The following LRCH1 variants were observed in gnomAD, a reference collection of about 807,000 sequenced individuals.
LRCH1 encodes leucine rich repeats and calponin homology domain containing 1, also known as leucine-rich repeat and calponin homology domain-containing protein 1.
A neutral mutation model predicts 94.9 loss-of-function variants in LRCH1; 23 were observed. That is an observed-to-expected ratio of 0.24 (90% CI 0.17 to 0.34). The LOEUF is 0.34. Among genes scored for constraint, LRCH1 ranks in the 10% least tolerant of loss-of-function variants. LRCH1 has a pLI of 1.00. For synonymous variants in LRCH1, 364 were observed against 354.9 expected (o/e 1.03, Z -0.29); for missense variants, 790 against 945.9 (o/e 0.84, Z 2.16).
chr13:46,741,567 T>C (rs1469076924), intron 19 of LRCH1, 75 bp from the exon 20 acceptor site: 1 of 1,590,126 alleles, frequency 6.3e-7, no homozygotes, highest in Non-Finnish European at 8.6e-7. Context: ...TGTGTGCTTC[T>C]TTCTAGCTGT....
chr13:46,722,005 GGACTCA>G (rs1872603619), intron 16 of LRCH1, among the ~76,000 whole-genome samples: 1 of 152,028 alleles, frequency 6.6e-6, no homozygotes, highest in Admixed American at 6.5e-5. Context: ...TACACCGAGC[GGACTCA>G]AGTCTTTGTA....
At chr13:46,701,282 C>A in intron 11 of LRCH1, 75 bp downstream of exon 11, 1 of 1,053,808 alleles carries the variant, frequency 9.5e-7, no homozygotes, top group Non-Finnish European at 1.4e-6. Context: ...TGTCTAAATT[C>A]CTAAAATACC....
At chr13:46,614,037 T>A (rs2050777041) in intron 1 of LRCH1, among the ~76,000 whole-genome samples, 1 of 152,140 alleles carries the variant, frequency 6.6e-6, no homozygotes, top group Non-Finnish European at 1.5e-5. Context: ...CAACATGATA[T>A]TTGATATACA....
chr13:46,680,267 A>G (rs2051733633), intron 3 of LRCH1: 1 of 152,094 alleles, frequency 6.6e-6, no homozygotes, highest in African/African-American at 2.4e-5. Flanking sequence ...TGGATTTTAG[A>G]AGTTTGATCC....
intron 1 of LRCH1, among the ~76,000 whole-genome samples, chr13:46,626,993 G>A (rs2050958515): frequency 6.6e-6 from 1 of 152,134 alleles, no homozygotes; most frequent in Admixed American, 6.5e-5. Flanking sequence ...TTTGAGGAAT[G>A]GTTGGGTGTT....
intron 19 of LRCH1, among the ~76,000 whole-genome samples, chr13:46,735,839 C>T (rs1164431837): frequency 2.1e-5 from 3 of 139,564 alleles, no homozygotes; most frequent in Admixed American, 7.9e-5. Flanking sequence ...GTCACCTGGC[C>T]AGACTGGAGT....
chr13:46,669,210 T>G (rs2051564740), intron 3 of LRCH1, 54 bp downstream of exon 3: 1 of 1,593,900 alleles, frequency 6.3e-7, no homozygotes, highest in Non-Finnish European at 8.5e-7. Flanking sequence ...GATCATAGCC[T>G]CTCAAGGTAT....
At chr13:46,582,163 A>AC (rs974780751) in intron 1 of LRCH1, among the ~76,000 whole-genome samples, 1 of 150,972 alleles carries the variant, frequency 6.6e-6, no homozygotes, top group East Asian at 1.9e-4. Flanking sequence ...AAAAAAAAAA[A>AC]AAAGAAAGAA....
intron 17 of LRCH1, among the ~76,000 whole-genome samples, chr13:46,726,897 CAG>C (rs1245649846): frequency 1.0e-5 from 1 of 97,838 alleles, no homozygotes; most frequent in Non-Finnish European, 2.3e-5. Flanking sequence ...GCAACTAAAA[CAG>C]AGATTTAAAT....
At chr13:46,620,834 ATAAT>A (rs2050871136) in intron 1 of LRCH1, among the ~76,000 whole-genome samples, 1 of 152,252 alleles carries the variant, frequency 6.6e-6, no homozygotes, top group African/African-American at 2.4e-5. Flanking sequence ...TTGACTAAAG[ATAAT>A]TAACTCCTTT....
In LRCH1 at chr13:46,712,472, C is replaced by T. The variant is rs370061869; in HGVS notation, c.1582-53C>T. On this transcript the variant is annotated intron_variant, in intron 14 of 19. Coordinates refer to ENST00000389797, the MANE Select transcript of LRCH1 (RefSeq NM_001164211.2). The stretch of plus-strand genomic sequence containing the variant: ...TGAACATAGAAAACCATACATAGTT[C>T]TTCTGTTTTCCTTTTATTTTTTTCC... 3.8e-6 allele frequency: 5 copies of T among 1,332,940 alleles called. No homozygotes were observed. The African/African-American group carries it at 7.3e-5, about 19-fold the overall frequency. The allele number at this position is 1,332,940 out of a possible 1,614,324, so 82.6% of individuals were successfully genotyped here.
At chr13:46,606,278 T>G (rs1425234616) in intron 1 of LRCH1, among the ~76,000 whole-genome samples, 1 of 152,164 alleles carries the variant, frequency 6.6e-6, no homozygotes, top group Non-Finnish European at 1.5e-5. Flanking sequence ...AACACTGTTT[T>G]GTGAACATGG....
chr13:46,567,426 G>A (rs34271323), intron 1 of LRCH1, among the ~76,000 whole-genome samples: 68,917 of 151,472 alleles, frequency 0.45, 18,672 homozygotes, highest in Admixed American at 0.58. Context: ...ACGGCAAATA[G>A]ATCTCTCTTT....
chr13:46,748,536 G>T (rs964215304), downstream of LRCH1, among the ~76,000 whole-genome samples: 5 of 152,140 alleles, frequency 3.3e-5, no homozygotes, highest in African/African-American at 1.2e-4. Context: ...TCACAAGCCC[G>T]TGGCAGATGG....
chr13:46,720,150 T>G (rs1872532464), intron 16 of LRCH1, among the ~76,000 whole-genome samples: 1 of 150,368 alleles, frequency 6.7e-6, no homozygotes, highest in East Asian at 2.0e-4. Flanking sequence ...ACTTTGGGAG[T>G]CTGAGGCAGG....
At chr13:46,714,814 T>G (rs1420723797) in intron 15 of LRCH1, among the ~76,000 whole-genome samples, 1 of 152,218 alleles carries the variant, frequency 6.6e-6, no homozygotes, top group East Asian at 1.9e-4. Context: ...AGTGACCAAC[T>G]CAGAAGTTCT....
chr13:46,705,475 G>A (rs1427690814), intron 13 of LRCH1, 171 bp downstream of exon 13: 2 of 736,302 alleles, frequency 2.7e-6, no homozygotes, highest in South Asian at 2.9e-5. Flanking sequence ...TGCCTCTTTA[G>A]TTCTGCTTTT....
intron 1 of LRCH1, among the ~76,000 whole-genome samples, chr13:46,591,725 G>A (rs968006494): frequency 1.1e-4 from 17 of 152,228 alleles, no homozygotes; most frequent in Admixed American, 3.3e-4. Context: ...ACTAACCCCT[G>A]TTGACAGACA....
intron 1 of LRCH1, among the ~76,000 whole-genome samples, chr13:46,589,007 G>A (rs551340795): frequency 2.0e-5 from 3 of 151,874 alleles, no homozygotes; most frequent in Non-Finnish European, 2.9e-5. Context: ...AGATTAATCA[G>A]GGTAAGGAGA....
Sources: gnomAD v4.1 joint callset for allele counts (sites outside exome capture counted in the v4.1 genomes callset) on GRCh38, gnomAD v4.1.1 for gene constraint, MANE v1.5 for transcripts, NCBI Gene and HGNC (gene_info 2026-07-23, HGNC 2026-07-21) for gene names.